SLC30A9: variants seen among roughly 807,000 people sequenced by gnomAD.
SLC30A9 encodes solute carrier family 30 member 9, also known as proton-coupled zinc antiporter SLC30A9, mitochondrial.
Under a neutral mutation model 87.5 loss-of-function variants are expected in SLC30A9, and 58 were observed. That is an observed-to-expected ratio of 0.66 (90% confidence interval 0.54 to 0.82). The LOEUF (loss-of-function observed/expected upper bound fraction) is 0.82. SLC30A9 is among the 40% of genes least tolerant of loss of function. The probability of loss-of-function intolerance (pLI) is 0.00; values close to 1 mark genes in which losing one functional copy is unlikely to be tolerated. For synonymous variants in SLC30A9, 234 were observed against 233.0 expected (o/e 1.00, Z -0.04); for missense variants, 557 against 679.1 (o/e 0.82, Z 2.00).
chr4:42,004,509 T>G (rs1285150548), intron 2 of SLC30A9, among the ~76,000 whole-genome samples: 1 of 152,174 alleles, frequency 6.6e-6, no homozygotes, highest in Non-Finnish European at 1.5e-5. Flanking sequence ...TATCGTATTT[T>G]CTATTTCTTT....
intron 2 of SLC30A9, among the ~76,000 whole-genome samples, chr4:42,004,076 T>A (rs905172800): frequency 3.3e-5 from 5 of 152,206 alleles, no homozygotes; most frequent in Non-Finnish European, 7.3e-5. Context: ...CTGATGTACA[T>A]CCTATACAAG....
chr4:42,050,835 T>C (rs771574842), intron 9 of SLC30A9, among the ~76,000 whole-genome samples: 11 of 152,134 alleles, frequency 7.2e-5, no homozygotes, highest in Non-Finnish European at 1.2e-4. Flanking sequence ...ATATTTGGGA[T>C]AGTGGAGCAG....
At chr4:42,055,075 G>A (rs1717548689) in intron 9 of SLC30A9, among the ~76,000 whole-genome samples, 1 of 151,962 alleles carries the variant, frequency 6.6e-6, no homozygotes, top group Admixed American at 6.6e-5. Context: ...TGTAATCCCA[G>A]CACTTTGGGA....
rs71198699 is a variant in SLC30A9 at position 42,004,664 on chromosome 4, C to CTTTTT, written c.274+2893_274+2897dup. 1.9e-4 allele frequency among the ~76,000 whole-genome samples: 24 copies of CTTTTT among 128,332 alleles called. 2 individuals are homozygous for CTTTTT. The highest frequency in any genetic ancestry group is 2.4e-4 in the African/African-American group (8 of 34,004). The allele number at this position is 128,332 out of a possible 152,430, so 84.2% of individuals were successfully genotyped here. A position where few individuals can be genotyped will look rare whatever the true frequency, so the allele number is the denominator to read the frequency against. On this transcript the variant is annotated intron_variant, in intron 2 of 17. Transcript: ENST00000264451. ...ATATTTTCCTTTTTTTTTTCTTTTT[C>CTTTTT]TTTTTTTTTTTTTGAGACCAAGTCT... is the stretch of plus-strand genomic sequence containing the variant.
Position 42,070,536 on chromosome 4 carries a change from G to C in SLC30A9, c.1263G>C (p.Leu421=), listed in dbSNP as rs757334878. ...ATGTGCTTCATTTAGGCAATCCACT[G>C]TATGACAGCCTAGGTTCTTTGGGTG... ...MGLTSITGNP[L]YDSLGSLGVG... Residue 421 remains leucine, a synonymous_variant, in exon 15 of 18, where the codon CTG becomes CTC. Coordinates refer to ENST00000264451, the MANE Select transcript of SLC30A9 (RefSeq NM_006345.4). 8.1e-6 allele frequency: 13 copies of C among 1,611,794 alleles called. No homozygotes were observed. Among genetic ancestry groups the C allele is most frequent in the African/African-American group, 4.0e-5 (3 of 74,848 alleles).
chr4:42,029,371 C>T, intron 6 of SLC30A9: 1 of 594,972 alleles, frequency 1.7e-6, no homozygotes, highest in Non-Finnish European at 3.3e-6. Context: ...CGGAATGATC[C>T]AAGTGGTGCT....
intron 9 of SLC30A9, among the ~76,000 whole-genome samples, chr4:42,055,301 T>G (rs1184803836): frequency 1.3e-5 from 2 of 152,264 alleles, no homozygotes; most frequent in Non-Finnish European, 2.9e-5. Flanking sequence ...TTATGCCATA[T>G]GTTTTCCCTC....
chr4:42,035,379 A>C (rs772424263), intron 7 of SLC30A9, 46 bp downstream of exon 7: 2 of 1,583,950 alleles, frequency 1.3e-6, no homozygotes, highest in East Asian at 4.5e-5. Context: ...TTGCACAGCA[A>C]AATTCTAATA....
intron 2 of SLC30A9, among the ~76,000 whole-genome samples, chr4:42,006,240 C>A (rs1715195437): frequency 6.6e-6 from 1 of 152,116 alleles, no homozygotes; most frequent in Non-Finnish European, 1.5e-5. Flanking sequence ...GTCCTGGAAC[C>A]AATCCCCAAC....
chr4:42,037,815 G>T (rs1383892004), intron 7 of SLC30A9, among the ~76,000 whole-genome samples: 1 of 152,086 alleles, frequency 6.6e-6, no homozygotes. Context: ...TTGAGACAGA[G>T]TATTGCTGTG....
intron 10 of SLC30A9, 66 bp from the exon 11 acceptor site, chr4:42,062,920 A>G: frequency 7.3e-7 from 1 of 1,364,594 alleles, no homozygotes; most frequent in Non-Finnish European, 1.0e-6. Context: ...TTGACCTATT[A>G]AGCACATATA....
At chr4:42,050,183 C>G (rs1437201245) in intron 9 of SLC30A9, among the ~76,000 whole-genome samples, 1 of 152,012 alleles carries the variant, frequency 6.6e-6, no homozygotes, top group Non-Finnish European at 1.5e-5. Flanking sequence ...AAAAATTAAG[C>G]CTGTGAACTT....
chr4:42,007,108 G>C (rs1715238597), intron 2 of SLC30A9, among the ~76,000 whole-genome samples: 1 of 152,100 alleles, frequency 6.6e-6, no homozygotes, highest in Non-Finnish European at 1.5e-5. Context: ...GAAAGTAGTA[G>C]TACAAATGAA....
intron 17 of SLC30A9, among the ~76,000 whole-genome samples, chr4:42,081,626 C>T (rs1718742774): frequency 6.6e-6 from 1 of 152,092 alleles, no homozygotes; most frequent in Admixed American, 6.6e-5. Context: ...AAACTTTGCT[C>T]TTTATTCTAC....
intron 17 of SLC30A9, among the ~76,000 whole-genome samples, chr4:42,085,834 C>T (rs77983017): frequency 0.024 from 3,606 of 151,814 alleles, 149 homozygotes; most frequent in African/African-American, 0.082. Flanking sequence ...GTACTAGATC[C>T]TTAATGCACT....
intron 11 of SLC30A9, 116 bp from the exon 12 acceptor site, chr4:42,065,193 TA>T (rs1188665145): frequency 7.5e-6 from 5 of 662,612 alleles, no homozygotes; most frequent in Non-Finnish European, 1.4e-5. Context: ...TTAGTAACCT[TA>T]CTGTCTGGCT....
chr4:42,034,792 A>T (rs1716610569), intron 6 of SLC30A9, among the ~76,000 whole-genome samples: 1 of 152,242 alleles, frequency 6.6e-6, no homozygotes, highest in Non-Finnish European at 1.5e-5. Flanking sequence ...ACGTATGTCC[A>T]GAAGTAGGAT....
chr4:42,011,263 A>T (rs569596619), intron 2 of SLC30A9, among the ~76,000 whole-genome samples: 2 of 152,248 alleles, frequency 1.3e-5, no homozygotes, highest in East Asian at 3.9e-4. Flanking sequence ...CACTTATAAA[A>T]CCATCAGATC....
chr4:42,025,428 TG>T (rs1350232384), intron 6 of SLC30A9, among the ~76,000 whole-genome samples: 1 of 152,004 alleles, frequency 6.6e-6, no homozygotes, highest in Non-Finnish European at 1.5e-5. Context: ...TTCCTTTTCT[TG>T]ACAAAACTGA....
Sources: allele counts gnomAD v4.1 joint callset (sites outside exome capture counted in the v4.1 genomes callset), GRCh38; gene constraint gnomAD v4.1.1; transcripts MANE v1.5; gene names NCBI Gene and HGNC (gene_info 2026-07-23, HGNC 2026-07-21).